RAPGEF5: variants seen among roughly 807,000 people sequenced by gnomAD.
The protein encoded by RAPGEF5 is Rap guanine nucleotide exchange factor 5, also known as M-Ras-regulated GEF.
In RAPGEF5, 65 loss-of-function variants were observed where a neutral mutation model predicts 125.2. That is an observed-to-expected ratio of 0.52 (90% CI 0.43 to 0.64). RAPGEF5 has a LOEUF of 0.64. Ranked by LOEUF, RAPGEF5 falls within the 30% of genes least tolerant of loss-of-function variation. RAPGEF5 has a pLI of 0.00. For missense variants in RAPGEF5, 958 were observed against 1,048.1 expected (o/e 0.91, Z 1.19); for synonymous variants, 391 against 385.9 (o/e 1.01, Z -0.16).
intron 1 of RAPGEF5, among the ~76,000 whole-genome samples, chr7:22,332,167 T>C (rs1472266795): frequency 6.6e-6 from 1 of 152,214 alleles, no homozygotes. Context: ...ACAAATTTAC[T>C]TGCAAATGAT....
chr7:22,356,623 G>C (rs1247151123), intron 1 of RAPGEF5: 1 of 206,038 alleles, frequency 4.9e-6, no homozygotes, highest in Non-Finnish European at 9.5e-6. Context: ...TGGTGGGGGG[G>C]AGGTGTGGGG....
intron 17 of RAPGEF5, among the ~76,000 whole-genome samples, chr7:22,151,476 T>C (rs1783625494): frequency 6.7e-6 from 1 of 150,148 alleles, no homozygotes; most frequent in Admixed American, 6.6e-5. Flanking sequence ...TTTTTTTTTT[T>C]TTTGAGACAG....
chr7:22,295,119 T>A (rs559396860), intron 5 of RAPGEF5, among the ~76,000 whole-genome samples: 9 of 152,308 alleles, frequency 5.9e-5, no homozygotes, highest in African/African-American at 1.7e-4. Context: ...TCTAGACAAG[T>A]AAGTTTTGCT....
chr7:22,287,619 C>T (rs1264026081), intron 6 of RAPGEF5, among the ~76,000 whole-genome samples: 2 of 152,228 alleles, frequency 1.3e-5, no homozygotes, highest in Non-Finnish European at 2.9e-5. Flanking sequence ...CTCTGCATTA[C>T]AGACGTCACT....
Position 22,225,425 on chromosome 7 carries a change from TC to T in RAPGEF5, c.870+5420del, listed in dbSNP as rs1430484094. 2.0e-5 allele frequency among the ~76,000 whole-genome samples: 3 copies of T among 152,326 alleles called. No individual in the cohort carries two copies. In the East Asian group the frequency reaches 5.8e-4, roughly 29 times the overall value. ...CACAAGGTAATCAATTCTATAGCAT[TC>T]CTTATATTACAACTATCAAAAAAGA... On this transcript the variant is annotated intron_variant, in intron 8 of 25. Transcript: ENST00000665637.
At chr7:22,347,379 C>A (rs1784242715) in intron 1 of RAPGEF5, among the ~76,000 whole-genome samples, 1 of 152,076 alleles carries the variant, frequency 6.6e-6, no homozygotes, top group Middle Eastern at 3.2e-3. Context: ...TTTCTATAAA[C>A]TATGTAGCTA....
intron 11 of RAPGEF5, among the ~76,000 whole-genome samples, chr7:22,185,168 C>T (rs764059885): frequency 1.6e-4 from 25 of 152,192 alleles, no homozygotes; most frequent in Non-Finnish European, 2.8e-4. Flanking sequence ...GGATACAACT[C>T]GGAATATATT....
chr7:22,214,867 C>T (rs145881045), intron 9 of RAPGEF5, among the ~76,000 whole-genome samples: 535 of 152,306 alleles, frequency 3.5e-3, no homozygotes, highest in Middle Eastern at 0.017. Context: ...GGCAATCAGA[C>T]TTGAATTCAC....
intron 8 of RAPGEF5, among the ~76,000 whole-genome samples, chr7:22,226,063 T>C (rs1785910826): frequency 6.6e-6 from 1 of 152,184 alleles, no homozygotes; most frequent in Admixed American, 6.5e-5. Context: ...GCACAGTTCT[T>C]TGTATTAAAA....
At chr7:22,315,217 T>C (rs899466689) in intron 3 of RAPGEF5, among the ~76,000 whole-genome samples, 153 bp downstream of exon 3, 18 of 152,166 alleles carry the variant, frequency 1.2e-4, no homozygotes, top group African/African-American at 4.1e-4. Context: ...CTAAGTTTAA[T>C]GAAAAGTCAC....
At chr7:22,136,699 G>GA (rs761235024) in intron 22 of RAPGEF5, among the ~76,000 whole-genome samples, 9 of 152,202 alleles carry the variant, frequency 5.9e-5, no homozygotes, top group South Asian at 4.2e-4. Context: ...CCTGCCTTCT[G>GA]AAAAAATCAC....
chr7:22,280,667 G>C (rs1037747127), intron 6 of RAPGEF5, among the ~76,000 whole-genome samples: 4 of 152,188 alleles, frequency 2.6e-5, no homozygotes, highest in Non-Finnish European at 5.9e-5. Context: ...TTCATTTAAT[G>C]AATCATATGT....
At chr7:22,268,158 TTG>T (rs1782329336) in intron 6 of RAPGEF5, among the ~76,000 whole-genome samples, 2 of 152,194 alleles carry the variant, frequency 1.3e-5, no homozygotes, top group Admixed American at 1.3e-4. Context: ...ATGCATAGTC[TTG>T]ATTTAGCTGA....
chr7:22,260,213 C>T (rs967312547), intron 7 of RAPGEF5, among the ~76,000 whole-genome samples: 2 of 152,204 alleles, frequency 1.3e-5, no homozygotes, highest in Admixed American at 1.3e-4. Flanking sequence ...GGATACATGT[C>T]ATTATACATT....
intron 3 of RAPGEF5, chr7:22,314,602 C>T (rs1783549383): frequency 1.0e-6 from 1 of 978,240 alleles, no homozygotes; most frequent in Non-Finnish European, 1.2e-6. Context: ...CCTGAGTCCT[C>T]TTCTTACTCT....
At chr7:22,282,158 T>G (rs998891097) in intron 6 of RAPGEF5, among the ~76,000 whole-genome samples, 7 of 152,202 alleles carry the variant, frequency 4.6e-5, no homozygotes, top group Admixed American at 1.3e-4. Context: ...GCACAATGAC[T>G]TTTTACTTTG....
At position 22,308,864 on chromosome 7, in the gene RAPGEF5, A is replaced by G. The variant is rs570347683; in HGVS notation, c.512-357T>C. On this transcript the variant is annotated intron_variant, in intron 4 of 25. Coordinates refer to ENST00000665637, the MANE Select transcript of RAPGEF5 (RefSeq NM_012294.5). ...ATTAATTTAGTAATACAGAAATACA[A>G]CATAATGGCAAGTTTTAGATCAATG... is the stretch of plus-strand genomic sequence containing the variant. 6.6e-5 allele frequency among the ~76,000 whole-genome samples: 10 copies of G among 152,326 alleles called. No individual in the cohort carries two copies. In the East Asian group the frequency reaches 1.9e-3, roughly 29 times the overall value.
At position 22,156,838 on chromosome 7, in the gene RAPGEF5, A is replaced by G. The variant is rs779458915; in HGVS notation, c.1608T>C (p.His536=). 5 of 1,613,958 alleles carry G rather than the reference A, an allele frequency of 3.1e-6. No homozygotes were observed. The highest frequency in any genetic ancestry group is 4.2e-6 in the Non-Finnish European group (5 of 1,179,862). ...QFSLKENWLQ[H]RGTVTETEEI... ...CCTCCGTTTCAGTCACAGTTCCTCT[A>G]TGCTGGAGCCAGTTCTCCTTAAGAC... Residue 536 remains histidine, a synonymous_variant, in exon 16 of 26, where the codon CAT becomes CAC. Transcript: ENST00000665637.
chr7:22,324,468 T>G (rs1362003907), intron 1 of RAPGEF5, among the ~76,000 whole-genome samples: 5 of 152,166 alleles, frequency 3.3e-5, no homozygotes, highest in Non-Finnish European at 5.9e-5. Context: ...TGTGGATAAG[T>G]GCTGGTTTTG....
Sources: gnomAD v4.1 joint callset for allele counts (sites outside exome capture counted in the v4.1 genomes callset) on GRCh38, gnomAD v4.1.1 for gene constraint, MANE v1.5 for transcripts, NCBI Gene and HGNC (gene_info 2026-07-23, HGNC 2026-07-21) for gene names.